The following UNC5D variants were observed in gnomAD, a reference collection of about 807,000 sequenced individuals.
The protein encoded by UNC5D is netrin receptor UNC5D.
UNC5D carries 39 observed loss-of-function variants against 105.4 expected under a neutral mutation model. That is an observed-to-expected ratio of 0.37 (90% CI 0.29 to 0.48). The LOEUF (loss-of-function observed/expected upper bound fraction) is 0.48. Ranked by LOEUF, UNC5D falls within the 20% of genes least tolerant of loss-of-function variation. The pLI is 0.98. For synonymous variants in UNC5D, 452 were observed against 450.4 expected (o/e 1.00, Z -0.04); for missense variants, 991 against 1,202.4 (o/e 0.82, Z 2.60).
chr8:35,554,966 A>C (rs1026086522), intron 2 of UNC5D, among the ~76,000 whole-genome samples: 3 of 152,208 alleles, frequency 2.0e-5, no homozygotes, highest in Non-Finnish European at 4.4e-5. Context: ...GAAGAATAGA[A>C]ATAAAAATGT....
At chr8:35,561,689 T>G (rs1342525555) in intron 2 of UNC5D, among the ~76,000 whole-genome samples, 1 of 152,172 alleles carries the variant, frequency 6.6e-6, no homozygotes, top group Non-Finnish European at 1.5e-5. Flanking sequence ...GCTTAGATAT[T>G]CTTATAAGAT....
chr8:35,517,288 C>G (rs1332250322), intron 1 of UNC5D, among the ~76,000 whole-genome samples: 1 of 152,142 alleles, frequency 6.6e-6, no homozygotes, highest in Non-Finnish European at 1.5e-5. Flanking sequence ...AATTTGGGAA[C>G]CAGGCATATG....
At chr8:35,394,880 A>G (rs1240972686) in intron 1 of UNC5D, among the ~76,000 whole-genome samples, 3 of 152,218 alleles carry the variant, frequency 2.0e-5, no homozygotes, top group Non-Finnish European at 4.4e-5. Context: ...CAACCTTTAG[A>G]TAAAGGGTAA....
At chr8:35,328,187 A>T (rs1267575937) in intron 1 of UNC5D, among the ~76,000 whole-genome samples, 1 of 151,526 alleles carries the variant, frequency 6.6e-6, no homozygotes, top group Non-Finnish European at 1.5e-5. Context: ...CTTGAATAAA[A>T]GATACCCTAG....
At chr8:35,363,394 C>G (rs1801951164) in intron 1 of UNC5D, among the ~76,000 whole-genome samples, 1 of 152,064 alleles carries the variant, frequency 6.6e-6, no homozygotes, top group African/African-American at 2.4e-5. Flanking sequence ...GAAAACCACC[C>G]CCATGATTCA....
intron 3 of UNC5D, among the ~76,000 whole-genome samples, chr8:35,581,719 A>G (rs1818477971): frequency 1.3e-5 from 2 of 152,174 alleles, no homozygotes; most frequent in Non-Finnish European, 2.9e-5. Flanking sequence ...CATGTACTCC[A>G]TAAACATATG....
At chr8:35,544,618 T>C in intron 1 of UNC5D, 1 of 1,397,262 alleles carries the variant, frequency 7.2e-7, no homozygotes, top group Non-Finnish European at 9.6e-7. Context: ...TTTTTTTTTT[T>C]TTGAGACAGA....
chr8:35,684,640 AG>A lies in UNC5D; in HGVS notation c.812del (p.Gly271AspfsTer29). On this transcript the variant is annotated frameshift_variant, in exon 6 of 17. Coordinates refer to ENST00000404895, the MANE Select transcript of UNC5D (RefSeq NM_080872.4). LOFTEE classifies it high-confidence loss of function. ...CAGCCTGCAATGTTCGCTGTGGTAG[AG>A]GATGGCAGAAACGTTCCCGGACCTG... is the stretch of plus-strand genomic sequence containing the variant. ...WSACNVRCGR[G>X]WQKRSRTCTN... 1 of 1,613,868 alleles carries A rather than the reference AG, an allele frequency of 6.2e-7. No homozygotes were observed. The highest frequency in any genetic ancestry group is 8.5e-7 in the Non-Finnish European group (1 of 1,179,984).
chr8:35,585,226 A>G (rs1159988958), intron 3 of UNC5D, among the ~76,000 whole-genome samples: 11 of 152,222 alleles, frequency 7.2e-5, no homozygotes, highest in Admixed American at 6.5e-5. Flanking sequence ...ACAGAGCACA[A>G]GGGATCTCAC....
At position 35,781,043 on chromosome 8, in the gene UNC5D, A is replaced by G. The variant is rs115320059; in HGVS notation, c.2657+6566A>G. 8.7e-3 allele frequency among the ~76,000 whole-genome samples: 1,330 copies of G among 152,300 alleles called. 22 individuals are homozygous for G. The highest frequency in any genetic ancestry group is 0.031 in the African/African-American group (1,277 of 41,568). On this transcript the variant is annotated intron_variant, in intron 16 of 16. Coordinates refer to ENST00000404895, the MANE Select transcript of UNC5D (RefSeq NM_080872.4). ...AATGATTGGATAGGGAGATAGTATT[A>G]TACATCGGTCCTTGTAGTCAAAAAT...
At chr8:35,696,500 A>G (rs1826789517) in intron 7 of UNC5D, among the ~76,000 whole-genome samples, 1 of 152,122 alleles carries the variant, frequency 6.6e-6, no homozygotes, top group African/African-American at 2.4e-5. Flanking sequence ...CTAGAGAAAG[A>G]TTTAATGTCT....
intron 2 of UNC5D, among the ~76,000 whole-genome samples, chr8:35,549,980 G>A (rs1426931938): frequency 7.6e-6 from 1 of 132,220 alleles, no homozygotes; most frequent in Non-Finnish European, 1.6e-5. Flanking sequence ...TGACTATGGT[G>A]TAATGGCAGA....
At chr8:35,780,275 T>C (rs939044149) in intron 16 of UNC5D, among the ~76,000 whole-genome samples, 11 of 152,354 alleles carry the variant, frequency 7.2e-5, no homozygotes, top group African/African-American at 2.4e-4. Flanking sequence ...GTAAAAACCG[T>C]ATACGTGAAA....
chr8:35,582,690 CTGGGTTGGCTTTTCTTT>C (rs1366123447), intron 3 of UNC5D, among the ~76,000 whole-genome samples: 6 of 152,170 alleles, frequency 3.9e-5, no homozygotes, highest in Admixed American at 3.3e-4. Context: ...TTTCTTGCTG[CTGGGTTGGCTTTTCTTT>C]TTGACTCTTT....
rs1828626731 is a variant in UNC5D at position 35,722,339 on chromosome 8, A to C, written c.1247A>C (p.Asp416Ala). ...SQSDYGVDVI[D>A]SSALTGGFQT... ...AGTGACTATGGCGTGGACGTCATTG[A>C]CTCTTCTGCATTGACAGGTGGCTTC... The change falls in exon 9 of 17, where the codon GAC becomes GCC. Residue 416 changes from aspartate (D) to alanine (A), a missense_variant. Physicochemically the swap from Asp to Ala is moderately radical, Grantham distance 126. Transcript: ENST00000404895. 2.5e-6 allele frequency: 4 copies of C among 1,613,978 alleles called. No individual in the cohort carries two copies. Among genetic ancestry groups the C allele is most frequent in the Non-Finnish European group, 3.4e-6 (4 of 1,179,992 alleles).
At chr8:35,405,924 A>G (rs1018347971) in intron 1 of UNC5D, among the ~76,000 whole-genome samples, 4 of 152,204 alleles carry the variant, frequency 2.6e-5, no homozygotes, top group Non-Finnish European at 5.9e-5. Flanking sequence ...TAACTCAAAG[A>G]TTTAGCTGTA....
chr8:35,735,150 C>A (rs538991367), intron 11 of UNC5D, among the ~76,000 whole-genome samples: 79 of 152,248 alleles, frequency 5.2e-4, no homozygotes, highest in African/African-American at 1.9e-3. Context: ...TTCAGAGATT[C>A]TTTTCACTGA....
intron 1 of UNC5D, among the ~76,000 whole-genome samples, chr8:35,458,173 G>GGCACAGAAT (rs1808628107): frequency 6.6e-6 from 1 of 152,140 alleles, no homozygotes; most frequent in Non-Finnish European, 1.5e-5. Flanking sequence ...GGACCTTAGA[G>GGCACAGAAT]GTTGCCCAGG....
At chr8:35,643,741 T>C (rs1356769767) in intron 4 of UNC5D, among the ~76,000 whole-genome samples, 2 of 152,156 alleles carry the variant, frequency 1.3e-5, no homozygotes, top group Non-Finnish European at 2.9e-5. Flanking sequence ...TAGTGGCTTC[T>C]AAATGTCTAA....
Sources: allele counts gnomAD v4.1 joint callset (sites outside exome capture counted in the v4.1 genomes callset), GRCh38; gene constraint gnomAD v4.1.1; transcripts MANE v1.5; gene names NCBI Gene and HGNC (gene_info 2026-07-23, HGNC 2026-07-21).